Variants in GRID1 observed in about 807,000 individuals in gnomAD.
GRID1 encodes the protein glutamate receptor ionotropic, delta-1.
In GRID1, 28 loss-of-function variants were observed where a neutral mutation model predicts 98.0. The ratio of observed to expected loss-of-function variants is 0.29; its 90% CI spans 0.21 to 0.39. GRID1 has a LOEUF of 0.39. GRID1 is among the 10% of genes least tolerant of loss of function. The pLI, the probability that GRID1 is intolerant of heterozygous loss-of-function variation, is 1.00. For synonymous variants in GRID1, 553 were observed against 538.5 expected (o/e 1.03, Z -0.37); for missense variants, 1,111 against 1,340.5 (o/e 0.83, Z 2.67).
chr10:86,316,730 C>T (rs180806456), intron 2 of GRID1, among the ~76,000 whole-genome samples: 1 of 152,372 alleles, frequency 6.6e-6, no homozygotes, highest in African/African-American at 2.4e-5. Flanking sequence ...GAGGTCACTC[C>T]TGGGCGCTGC....
chr10:85,622,750 T>C (rs908827258), intron 13 of GRID1, among the ~76,000 whole-genome samples: 3 of 152,152 alleles, frequency 2.0e-5, no homozygotes, highest in Non-Finnish European at 2.9e-5. Flanking sequence ...GAAAATCTAA[T>C]GCCAGGGGAT....
intron 12 of GRID1, among the ~76,000 whole-genome samples, chr10:85,673,339 TTGA>T (rs1841108919): frequency 6.6e-6 from 1 of 152,228 alleles, no homozygotes; most frequent in South Asian, 2.1e-4. Context: ...ATACATATAG[TTGA>T]TGAAGAAGTG....
intron 6 of GRID1, among the ~76,000 whole-genome samples, chr10:85,863,671 C>T (rs56077463): frequency 0.032 from 4,800 of 152,210 alleles, 202 homozygotes; most frequent in East Asian, 0.19. Context: ...CTGCAGGCTG[C>T]CAGGTCGATC....
chr10:86,150,795 G>A (rs761726003), intron 3 of GRID1, among the ~76,000 whole-genome samples: 2 of 152,170 alleles, frequency 1.3e-5, no homozygotes, highest in African/African-American at 2.4e-5. Flanking sequence ...TAAGAGACTC[G>A]AGATCTTTTT....
chr10:85,980,655 A>G (rs1447095539), intron 4 of GRID1, among the ~76,000 whole-genome samples: 1 of 152,156 alleles, frequency 6.6e-6, no homozygotes, highest in African/African-American at 2.4e-5. Flanking sequence ...CCTGGGGTGA[A>G]GGGTTGGTAA....
rs1176786974 is a variant in GRID1, at chr10:86,366,490, C to T, written c.-98G>A. ...GGTCCCGGTGCAGTCCCGGGCCGCT[C>T]CCCGGGAGAGCCGAGCCCGCCCGTG... is the stretch of plus-strand genomic sequence containing the variant. On this transcript the variant is annotated 5_prime_UTR_variant, in exon 1 of 16. Coordinates refer to ENST00000327946, the MANE Select transcript of GRID1 (RefSeq NM_017551.3). The surrounding 1 kb of genome is among the most constrained non-coding windows in gnomAD (Gnocchi z 4.1). 3 of 709,060 alleles carry T rather than the reference C, an allele frequency of 4.2e-6. No homozygotes were observed. The highest frequency in any genetic ancestry group is 5.9e-6 in the Non-Finnish European group (3 of 509,804). The allele number at this position is 709,060 out of a possible 1,614,324, so 43.9% of individuals were successfully genotyped here.
At chr10:85,938,787 G>A (rs769346675) in intron 4 of GRID1, among the ~76,000 whole-genome samples, 27 of 152,142 alleles carry the variant, frequency 1.8e-4, no homozygotes, top group East Asian at 1.9e-4. Context: ...CTGGGTAATC[G>A]CAGGTAGTCA....
rs1361492383 is a variant in GRID1, at chr10:86,365,026, G to A, written c.80-930C>T. On this transcript the variant is annotated intron_variant, in intron 1 of 15. Transcript: ENST00000327946. The surrounding 1 kb of genome is among the most constrained non-coding windows in gnomAD (Gnocchi z 4.8). ...CATCCCGCCTCACCAAGCCTCGAGGGTCCCTGAGGTCCCGGAGCTAGGCCC... is the reference window on the plus strand; with the variant it reads ...CATCCCGCCTCACCAAGCCTCGAGGATCCCTGAGGTCCCGGAGCTAGGCCC... Among the ~76,000 whole-genome samples, 3 of 152,120 alleles carry A rather than the reference G, an allele frequency of 2.0e-5. No homozygotes were observed. The highest frequency in any genetic ancestry group is 1.3e-4 in the Admixed American group (2 of 15,278).
intron 8 of GRID1, among the ~76,000 whole-genome samples, chr10:85,736,086 G>A (rs1183196617): frequency 1.8e-5 from 1 of 54,864 alleles, no homozygotes; most frequent in Non-Finnish European, 3.5e-5. Flanking sequence ...AGGAGAGAAG[G>A]AAGGAAGGAA....
intron 4 of GRID1, among the ~76,000 whole-genome samples, chr10:85,923,622 A>C (rs947827179): frequency 7.9e-5 from 12 of 152,182 alleles, no homozygotes; most frequent in African/African-American, 2.9e-4. Flanking sequence ...TGCAGCCTAC[A>C]AATGGAAAAA....
At chr10:85,683,524 GA>G (rs1389069631) in intron 12 of GRID1, among the ~76,000 whole-genome samples, 2 of 152,214 alleles carry the variant, frequency 1.3e-5, no homozygotes, top group Non-Finnish European at 2.9e-5. Flanking sequence ...CAAAGGTCAT[GA>G]AGTCAACTTT....
chr10:85,679,647 T>A (rs1374315067), intron 12 of GRID1, among the ~76,000 whole-genome samples: 1 of 152,158 alleles, frequency 6.6e-6, no homozygotes, highest in Non-Finnish European at 1.5e-5. Context: ...GGAGCCCTGG[T>A]CTGTTAGACT....
At chr10:86,096,320 C>T (rs987825081) in intron 4 of GRID1, among the ~76,000 whole-genome samples, 6 of 152,130 alleles carry the variant, frequency 3.9e-5, no homozygotes, top group Non-Finnish European at 8.8e-5. Flanking sequence ...CCAAATAACA[C>T]CTGTACCCCA....
chr10:85,886,077 C>G (rs992961158), intron 5 of GRID1, among the ~76,000 whole-genome samples: 1 of 151,360 alleles, frequency 6.6e-6, no homozygotes, highest in East Asian at 1.9e-4. Flanking sequence ...TGTGTCCTGC[C>G]TGGTCCCAGA....
chr10:86,086,048 G>C (rs1372735487), intron 4 of GRID1, among the ~76,000 whole-genome samples: 1 of 152,038 alleles, frequency 6.6e-6, no homozygotes, highest in Non-Finnish European at 1.5e-5. Flanking sequence ...TCCCATCAGA[G>C]TGCTGTTCCC....
rs866407840 is a variant in GRID1 at position 85,814,073 on chromosome 10, T to C, written c.1233+40423A>G. Among the ~76,000 whole-genome samples, 40 of 151,430 alleles carry C rather than the reference T, an allele frequency of 2.6e-4. 1 individual carries two copies. Among genetic ancestry groups the C allele is most frequent in the South Asian group, 2.5e-3 (12 of 4,816 alleles). The stretch of plus-strand genomic sequence containing the variant: ...AACAACCAAAAAATTAATAAGAAAA[T>C]TGTAGACATAAACCCAACTCTATCA... On this transcript the variant is annotated intron_variant, in intron 8 of 15. Coordinates refer to ENST00000327946, the MANE Select transcript of GRID1 (RefSeq NM_017551.3).
At chr10:85,976,352 C>T (rs373276326) in intron 4 of GRID1, among the ~76,000 whole-genome samples, 7 of 152,184 alleles carry the variant, frequency 4.6e-5, no homozygotes, top group South Asian at 2.1e-4. Flanking sequence ...ACTAGCATGA[C>T]CTCAAGTCAA....
chr10:86,038,230 C>G (rs1216565966), intron 4 of GRID1, among the ~76,000 whole-genome samples: 1 of 152,146 alleles, frequency 6.6e-6, no homozygotes, highest in Non-Finnish European at 1.5e-5. Flanking sequence ...CCCCAGCACA[C>G]TGATACTCCC....
chr10:86,220,091 T>C (rs74861351), intron 2 of GRID1, among the ~76,000 whole-genome samples: 53 of 152,340 alleles, frequency 3.5e-4, no homozygotes, highest in African/African-American at 1.3e-3. Context: ...TGGCACAAAA[T>C]AGATCTTGAA....
Sources: allele counts gnomAD v4.1 joint callset (sites outside exome capture counted in the v4.1 genomes callset), GRCh38; gene constraint gnomAD v4.1.1; non-coding constraint Gnocchi (gnomAD v3.1); transcripts MANE v1.5; gene names NCBI Gene and HGNC (gene_info 2026-07-23, HGNC 2026-07-21).